The following ADAMTS9 variants were observed in gnomAD, a reference collection of about 807,000 sequenced individuals.
The protein encoded by ADAMTS9 is ADAM metallopeptidase with thrombospondin type 1 motif 9, also known as A disintegrin and metalloproteinase with thrombospondin motifs 9.
ADAMTS9 carries 107 observed loss-of-function variants against 257.1 expected under a neutral mutation model. The observed-to-expected ratio is 0.42, with a 90% CI of 0.36 to 0.49. The LOEUF is 0.49. Ranked by LOEUF, ADAMTS9 falls within the 20% of genes least tolerant of loss-of-function variation. The pLI is 0.03. For synonymous variants in ADAMTS9, 982 were observed against 880.9 expected (o/e 1.11, Z -2.03); for missense variants, 2,353 against 2,469.1 (o/e 0.95, Z 1.00).
chr3:64,518,930 A>G, intron 39 of ADAMTS9, among the ~76,000 whole-genome samples: 1 of 152,056 alleles, frequency 6.6e-6, no homozygotes, highest in East Asian at 1.9e-4. Flanking sequence ...GGCATGTGCC[A>G]ACACACCCAG....
intron 26 of ADAMTS9, among the ~76,000 whole-genome samples, chr3:64,598,319 AT>A (rs34859673): frequency 0.15 from 21,013 of 136,062 alleles, 1,557 homozygotes; most frequent in African/African-American, 0.28. Context: ...TTCATTTCCT[AT>A]TTTTTTTTTT....
At chr3:64,534,978 C>G (rs1276922960) in intron 37 of ADAMTS9, among the ~76,000 whole-genome samples, 1 of 152,140 alleles carries the variant, frequency 6.6e-6, no homozygotes, top group African/African-American at 2.4e-5. Context: ...GCAAGGAGAT[C>G]ATCTGTAAAA....
intron 11 of ADAMTS9, among the ~76,000 whole-genome samples, chr3:64,642,681 C>T (rs760117284): frequency 5.3e-5 from 8 of 152,222 alleles, no homozygotes; most frequent in East Asian, 1.9e-4. Context: ...CATTCCGACC[C>T]TCTGCCATTG....
intron 16 of ADAMTS9, among the ~76,000 whole-genome samples, chr3:64,628,299 T>C (rs1433736303): frequency 6.6e-6 from 1 of 152,172 alleles, no homozygotes; most frequent in Non-Finnish European, 1.5e-5. Context: ...TGTGCATTGA[T>C]TAAGTTGACT....
chr3:64,615,262 A>C, intron 21 of ADAMTS9, 59 bp downstream of exon 21: 1 of 1,570,822 alleles, frequency 6.4e-7, no homozygotes, highest in African/African-American at 1.4e-5. Context: ...ACAGATAGAG[A>C]GCACCAGAAC....
intron 3 of ADAMTS9, among the ~76,000 whole-genome samples, chr3:64,665,805 C>A (rs1210996849): frequency 6.6e-6 from 1 of 152,180 alleles, no homozygotes; most frequent in Non-Finnish European, 1.5e-5. Flanking sequence ...TATGAAGGCT[C>A]TTTTCTGAGT....
At chr3:64,582,006 C>A (rs538323563) in intron 28 of ADAMTS9, among the ~76,000 whole-genome samples, 1 of 152,188 alleles carries the variant, frequency 6.6e-6, no homozygotes, top group East Asian at 1.9e-4. Flanking sequence ...TTGTTAATGA[C>A]CTTTTTAAAG....
intron 10 of ADAMTS9, among the ~76,000 whole-genome samples, chr3:64,648,663 C>A (rs1157116231): frequency 6.6e-6 from 1 of 152,012 alleles, no homozygotes; most frequent in Non-Finnish European, 1.5e-5. Flanking sequence ...TTCAAACTAC[C>A]CAGTCTTTTC....
intron 28 of ADAMTS9, among the ~76,000 whole-genome samples, chr3:64,593,042 C>T (rs1271852347): frequency 6.6e-6 from 1 of 152,098 alleles, no homozygotes; most frequent in Non-Finnish European, 1.5e-5. Context: ...AGGGAAAATG[C>T]TCCTACTGAA....
chr3:64,668,422 G>A (rs1038128344), intron 3 of ADAMTS9, among the ~76,000 whole-genome samples: 6 of 152,254 alleles, frequency 3.9e-5, no homozygotes, highest in South Asian at 4.1e-4. Flanking sequence ...CAGAGACAGC[G>A]TATTACGGGA....
intron 38 of ADAMTS9, among the ~76,000 whole-genome samples, chr3:64,531,988 G>C (rs961972531): frequency 2.6e-5 from 4 of 152,150 alleles, no homozygotes; most frequent in African/African-American, 9.7e-5. Context: ...CTGTACATTT[G>C]AATCATTTGG....
intron 21 of ADAMTS9, among the ~76,000 whole-genome samples, chr3:64,614,041 A>G (rs1279935650): frequency 1.3e-5 from 2 of 152,196 alleles, no homozygotes; most frequent in African/African-American, 4.8e-5. Context: ...ACTGTAGAAA[A>G]ACATAAATGA....
At chr3:64,674,783 G>A (rs1021594525) in intron 3 of ADAMTS9, among the ~76,000 whole-genome samples, 7 of 152,198 alleles carry the variant, frequency 4.6e-5, no homozygotes, top group African/African-American at 7.2e-5. Context: ...TTTACCGAAA[G>A]CCCCCTCAGG....
chr3:64,524,631 C>T (rs1273932756), intron 38 of ADAMTS9, among the ~76,000 whole-genome samples: 1 of 152,144 alleles, frequency 6.6e-6, no homozygotes, highest in African/African-American at 2.4e-5. Context: ...TTGAATTTGA[C>T]CAATAAAAAA....
chr3:64,631,636 T>C (rs1274262687), intron 15 of ADAMTS9, 86 bp from the exon 16 acceptor site: 5 of 1,284,536 alleles, frequency 3.9e-6, no homozygotes, highest in East Asian at 4.6e-5. Context: ...AACAAAGGAA[T>C]AGAATATAAT....
intron 26 of ADAMTS9, among the ~76,000 whole-genome samples, chr3:64,600,051 CTTTTT>C (rs35753372): frequency 8.6e-5 from 9 of 104,166 alleles, no homozygotes; most frequent in South Asian, 3.4e-4. Context: ...AGTTTCTGTT[CTTTTT>C]TTTTTTTTTT....
At chr3:64,664,342 T>C (rs1701292186) in intron 3 of ADAMTS9, among the ~76,000 whole-genome samples, 2 of 152,190 alleles carry the variant, frequency 1.3e-5, no homozygotes, top group Admixed American at 1.3e-4. Context: ...TTCAGGATAT[T>C]CATAGAGTTC....
chr3:64,611,334 T>C (rs1189341751), intron 22 of ADAMTS9, among the ~76,000 whole-genome samples: 1 of 152,182 alleles, frequency 6.6e-6, no homozygotes, highest in Non-Finnish European at 1.5e-5. Context: ...CATGCTACAA[T>C]ATAGATGAAT....
At chr3:64,649,988 A>G in intron 9 of ADAMTS9, 1 of 531,824 alleles carries the variant, frequency 1.9e-6, no homozygotes, top group Non-Finnish European at 3.2e-6. Context: ...AATGAATACA[A>G]CATAGCCAGT....
Sources: gnomAD v4.1 joint callset for allele counts (sites outside exome capture counted in the v4.1 genomes callset) on GRCh38, gnomAD v4.1.1 for gene constraint, MANE v1.5 for transcripts, NCBI Gene and HGNC (gene_info 2026-07-23, HGNC 2026-07-21) for gene names.